The following CAPS2 variants were observed in gnomAD, a reference collection of about 807,000 sequenced individuals.
CAPS2 encodes the protein calcyphosine 2, also known as calcyphosin-2.
A neutral mutation model predicts 86.5 loss-of-function variants in CAPS2; 98 were observed. The ratio of observed to expected loss-of-function variants is 1.13; its 90% CI spans 0.96 to 1.34. The LOEUF is 1.34. Ranked by LOEUF, CAPS2 falls within the 40% of genes most tolerant of loss-of-function variation. The pLI, the probability that CAPS2 is intolerant of heterozygous loss-of-function variation, is 0.00. For synonymous variants in CAPS2, 210 were observed against 225.1 expected, an observed-to-expected ratio of 0.93 and a Z score of 0.60; for missense variants, 729 against 686.8, an observed-to-expected ratio of 1.06 and a Z score of -0.69.
At chr12:75,326,471 C>T in exon 1 of CAPS2, 1 of 1,545,662 alleles carries the variant, frequency 6.5e-7, no homozygotes. Flanking sequence ...CTAGAAGTGG[C>T]AGCAACTCCT....
intron 1 of CAPS2, chr12:75,364,969 C>A (rs2043868920): frequency 6.6e-6 from 1 of 152,110 alleles, no homozygotes; most frequent in Admixed American, 6.6e-5. Context: ...AAAGGTGCCA[C>A]ATAACAGCTC....
At chr12:75,318,384 A>G (rs940308199) in intron 5 of CAPS2, among the ~76,000 whole-genome samples, 1 of 151,990 alleles carries the variant, frequency 6.6e-6, no homozygotes, top group Non-Finnish European at 1.5e-5. Flanking sequence ...CCCATCCTCA[A>G]AAGAACGAAG....
rs140551628 is a variant in CAPS2, at chr12:75,308,723, T to C, written c.660-3847A>G. 3.6e-4 allele frequency among the ~76,000 whole-genome samples: 54 copies of C among 151,320 alleles called. No homozygotes were observed. In the East Asian group the frequency reaches 8.0e-3, roughly 22 times the overall value. On this transcript the variant is annotated intron_variant, in intron 7 of 16. Coordinates refer to ENST00000393284, the Ensembl canonical transcript of CAPS2. The stretch of plus-strand genomic sequence containing the variant: ...ATTAAAAGTTGGATAAAGAACAGAA[T>C]GAGTAAAAGCATGAGAGCAGAAACA...
At chr12:75,292,816 T>C (rs1341249879) in intron 12 of CAPS2, among the ~76,000 whole-genome samples, 1 of 150,574 alleles carries the variant, frequency 6.6e-6, no homozygotes, top group East Asian at 1.9e-4. Flanking sequence ...GAACTAATTT[T>C]TCACTGTGCA....
At chr12:75,380,247 G>T (rs1437608714) in intron 1 of CAPS2, among the ~76,000 whole-genome samples, 1 of 152,074 alleles carries the variant, frequency 6.6e-6, no homozygotes, top group Admixed American at 6.6e-5. Context: ...AATTTTTGCA[G>T]GATATGTGAT....
intron 1 of CAPS2, among the ~76,000 whole-genome samples, chr12:75,345,812 AAAAACAAAC>A (rs546862639): frequency 1.3e-4 from 20 of 152,340 alleles, no homozygotes; most frequent in African/African-American, 3.1e-4. Flanking sequence ...TGTAAAGTAA[AAAAACAAAC>A]AAAACAAACA....
intron 5 of CAPS2, among the ~76,000 whole-genome samples, chr12:75,319,930 T>C (rs932373615): frequency 6.6e-6 from 1 of 152,136 alleles, no homozygotes; most frequent in Non-Finnish European, 1.5e-5. Context: ...ATGGTATACA[T>C]TTGAAAAGAT....
At chr12:75,323,098 A>C in intron 3 of CAPS2, 79 bp downstream of exon 4, 1 of 1,522,878 alleles carries the variant, frequency 6.6e-7, no homozygotes, top group Non-Finnish European at 8.9e-7. Context: ...CTAAAAAATA[A>C]AGTTAATGAT....
chr12:75,353,987 C>T (rs550333069), intron 1 of CAPS2, among the ~76,000 whole-genome samples: 23 of 152,068 alleles, frequency 1.5e-4, no homozygotes, highest in African/African-American at 5.3e-4. Context: ...ATTGAAGGAG[C>T]ATACATCAAA....
intron 15 of CAPS2, 141 bp downstream of exon 15, chr12:75,284,820 G>C: frequency 1.5e-6 from 1 of 655,618 alleles, no homozygotes; most frequent in East Asian, 3.2e-5. Flanking sequence ...TATGCATATG[G>C]ACCTGTTTTC....
At chr12:75,332,966 C>A (rs1161737862), upstream of CAPS2, among the ~76,000 whole-genome samples, 2 of 152,216 alleles carry the variant, frequency 1.3e-5, no homozygotes, top group South Asian at 4.1e-4. Flanking sequence ...AAAGTAACAG[C>A]AAGTGCAAAG....
At chr12:75,300,407 T>C (rs755350721) in intron 8 of CAPS2, among the ~76,000 whole-genome samples, 6 of 151,434 alleles carry the variant, frequency 4.0e-5, no homozygotes, top group Admixed American at 2.0e-4. Flanking sequence ...TTACAAAAAA[T>C]TAGCCGGGCG....
intron 1 of CAPS2, among the ~76,000 whole-genome samples, chr12:75,356,631 A>G (rs2043175173): frequency 6.6e-6 from 1 of 152,188 alleles, no homozygotes; most frequent in Non-Finnish European, 1.5e-5. Flanking sequence ...AAAGAAAGGA[A>G]AAGGGAAACA....
chr12:75,380,330 T>C (rs569429699), intron 1 of CAPS2, among the ~76,000 whole-genome samples: 2 of 152,322 alleles, frequency 1.3e-5, no homozygotes, highest in African/African-American at 2.4e-5. Flanking sequence ...GATCACTAAC[T>C]GTACCAGGGG....
At chr12:75,371,928 A>C (rs185449995) in intron 1 of CAPS2, among the ~76,000 whole-genome samples, 181 of 152,344 alleles carry the variant, frequency 1.2e-3, no homozygotes, top group African/African-American at 4.2e-3. Flanking sequence ...CAAAACTAAG[A>C]AACGCTCTAT....
chr12:75,348,385 G>C (rs2042589339), intron 1 of CAPS2, among the ~76,000 whole-genome samples: 1 of 152,100 alleles, frequency 6.6e-6, no homozygotes, highest in East Asian at 1.9e-4. Flanking sequence ...ACTAGAGAGA[G>C]GCAGAAATGT....
intron 1 of CAPS2, among the ~76,000 whole-genome samples, chr12:75,383,123 T>C (rs928057377): frequency 2.0e-5 from 3 of 152,250 alleles, no homozygotes; most frequent in African/African-American, 7.2e-5. Flanking sequence ...AATTCTCATG[T>C]ATTACATGCC....
At chr12:75,369,795 G>C in intron 1 of CAPS2, 3 of 982,600 alleles carry the variant, frequency 3.1e-6, no homozygotes, top group Non-Finnish European at 3.6e-6. Flanking sequence ...GCATCGTAAA[G>C]AGTTTTAAGT....
rs61616225 is a variant in CAPS2 at position 75,359,357 on chromosome 12, C to CTTTTTTTTTTTTTTTTTTT, written c.-395+31462_-395+31480dup. On this transcript the variant is annotated intron_variant, in intron 1 of 5. Coordinates refer to the CAPS2 transcript ENST00000551829. ...GAGTTAGAAGACTCAGCATTGTTGT[C>CTTTTTTTTTTTTTTTTTTT]TTTTTTTTTTTTTTTTTTTTTTTTT... Among the ~76,000 whole-genome samples, 3 of 28,600 alleles carry CTTTTTTTTTTTTTTTTTTT rather than the reference C, an allele frequency of 1.0e-4. 1 individual carries two copies. Among genetic ancestry groups the CTTTTTTTTTTTTTTTTTTT allele is most frequent in the African/African-American group, 4.2e-4 (3 of 7,160 alleles). The allele number at this position is 28,600 out of a possible 152,430, so 18.8% of individuals were successfully genotyped here.
Sources: allele counts gnomAD v4.1 joint callset (sites outside exome capture counted in the v4.1 genomes callset), GRCh38; gene constraint gnomAD v4.1.1; transcripts MANE v1.5; gene names NCBI Gene and HGNC (gene_info 2026-07-23, HGNC 2026-07-21).